SCLT1: variants seen among roughly 807,000 people sequenced by gnomAD.
The protein encoded by SCLT1 is sodium channel-associated protein 1.
A neutral mutation model predicts 112.8 loss-of-function variants in SCLT1; 78 were observed. The ratio of observed to expected loss-of-function variants is 0.69; its 90% confidence interval spans 0.58 to 0.83. SCLT1 has a LOEUF of 0.83. Ranked by LOEUF, SCLT1 falls within the 40% of genes least tolerant of loss-of-function variation. SCLT1 has a pLI of 0.00. For missense variants in SCLT1, 747 were observed against 770.4 expected, an observed-to-expected ratio of 0.97 and a Z score of 0.36; for synonymous variants, 257 against 254.7, an observed-to-expected ratio of 1.01 and a Z score of -0.09.
intron 2 of SCLT1, among the ~76,000 whole-genome samples, chr4:129,080,387 T>A (rs1751832082): frequency 6.6e-6 from 1 of 152,218 alleles, no homozygotes; most frequent in Non-Finnish European, 1.5e-5. Context: ...CCAGGCTACA[T>A]CTTGAGTGCT....
chr4:128,876,193 T>C (rs1732515841), intron 4 of SCLT1, among the ~76,000 whole-genome samples: 1 of 152,222 alleles, frequency 6.6e-6, no homozygotes, highest in African/African-American at 2.4e-5. Context: ...ATCTAATTTA[T>C]AATTTTTGTA....
chr4:128,930,939 TTCTTTGAAGC>T (rs1291619395), intron 18 of SCLT1, among the ~76,000 whole-genome samples: 1 of 152,182 alleles, frequency 6.6e-6, no homozygotes, highest in African/African-American at 2.4e-5. Context: ...AAGGGCTTGT[TTCTTTGAAGC>T]TTGTGAGTAC....
intron 2 of SCLT1, among the ~76,000 whole-genome samples, chr4:129,077,281 T>A (rs1005085005): frequency 6.6e-6 from 1 of 152,154 alleles, no homozygotes; most frequent in Non-Finnish European, 1.5e-5. Context: ...GAAATAAATA[T>A]CAAACTCCTG....
intron 1 of SCLT1, among the ~76,000 whole-genome samples, chr4:129,088,449 A>T (rs1752577876): frequency 6.6e-6 from 1 of 152,224 alleles, no homozygotes. Flanking sequence ...TCCCCATAAG[A>T]TCAGGAACAG....
At chr4:128,970,569 GT>G in intron 9 of SCLT1, 101 bp from the exon 10 acceptor site, 1 of 685,052 alleles carries the variant, frequency 1.5e-6, no homozygotes, top group Non-Finnish European at 2.5e-6. Context: ...TCTAACTCTT[GT>G]TTATCTAAAA....
intron 5 of SCLT1, among the ~76,000 whole-genome samples, chr4:129,018,570 C>A (rs280592): frequency 0.26 from 39,575 of 151,964 alleles, 6,310 homozygotes; most frequent in Non-Finnish European, 0.35. Flanking sequence ...AGTTCTCACT[C>A]TTCTTCAAAG....
chr4:129,064,727 A>G (rs1437260823), intron 2 of SCLT1, among the ~76,000 whole-genome samples: 1 of 152,160 alleles, frequency 6.6e-6, no homozygotes, highest in Non-Finnish European at 1.5e-5. Context: ...TTAATTTAGA[A>G]ATTTCCTTTG....
At chr4:128,980,891 A>T (rs1741589842) in intron 9 of SCLT1, among the ~76,000 whole-genome samples, 1 of 152,148 alleles carries the variant, frequency 6.6e-6, no homozygotes, top group Non-Finnish European at 1.5e-5. Context: ...TGACAGTTCA[A>T]GAAAATAATT....
At chr4:129,032,784 T>C (rs916208114) in intron 5 of SCLT1, among the ~76,000 whole-genome samples, 3 of 151,580 alleles carry the variant, frequency 2.0e-5, no homozygotes, top group African/African-American at 7.2e-5. Flanking sequence ...TACAATGAGA[T>C]ACCACCTCAC....
intron 9 of SCLT1, among the ~76,000 whole-genome samples, chr4:128,977,536 A>G (rs1447376518): frequency 3.3e-5 from 5 of 152,208 alleles, no homozygotes; most frequent in Non-Finnish European, 7.3e-5. Flanking sequence ...TGTTACAAAG[A>G]AGATGATACA....
At chr4:129,015,893 T>A (rs1338491142) in intron 5 of SCLT1, among the ~76,000 whole-genome samples, 1 of 152,180 alleles carries the variant, frequency 6.6e-6, no homozygotes, top group Non-Finnish European at 1.5e-5. Context: ...GTCATCTCCA[T>A]CCATCAGTGG....
At chr4:128,989,146 G>A (rs1232532920) in intron 9 of SCLT1, among the ~76,000 whole-genome samples, 1 of 151,746 alleles carries the variant, frequency 6.6e-6, no homozygotes, top group African/African-American at 2.4e-5. Flanking sequence ...AACATTTACA[G>A]AATATTTCAT....
At chr4:129,050,513 G>T (rs897584238) in intron 2 of SCLT1, among the ~76,000 whole-genome samples, 1 of 151,916 alleles carries the variant, frequency 6.6e-6, no homozygotes, top group Non-Finnish European at 1.5e-5. Flanking sequence ...CTTCATGTTT[G>T]TTGGCAGCAT....
At chr4:128,976,890 G>A (rs899928727) in intron 9 of SCLT1, among the ~76,000 whole-genome samples, 1 of 152,120 alleles carries the variant, frequency 6.6e-6, no homozygotes, top group Non-Finnish European at 1.5e-5. Context: ...GACTGTAAAG[G>A]CCATGGGGAC....
intron 5 of SCLT1, among the ~76,000 whole-genome samples, chr4:129,019,949 CCT>C (rs1745318430): frequency 1.3e-5 from 2 of 152,058 alleles, no homozygotes; most frequent in Non-Finnish European, 2.9e-5. Flanking sequence ...TGCACCCCTT[CCT>C]CTGTTTAAAA....
chr4:129,044,309 A>G (rs1298349761), intron 2 of SCLT1, among the ~76,000 whole-genome samples: 1 of 152,136 alleles, frequency 6.6e-6, no homozygotes, highest in Non-Finnish European at 1.5e-5. Context: ...TCTGCCAGAA[A>G]TCTACATCAA....
chr4:129,015,492 C>A (rs1247633409), intron 5 of SCLT1, among the ~76,000 whole-genome samples: 1 of 152,092 alleles, frequency 6.6e-6, no homozygotes, highest in African/African-American at 2.4e-5. Context: ...GCAAGTCCAC[C>A]CTGCAGAGTT....
In SCLT1 at chr4:128,996,110, T is replaced by G. The variant is rs541847532; in HGVS notation, c.615+1764A>C. Among the ~76,000 whole-genome samples, 20 of 152,180 alleles carry G rather than the reference T, an allele frequency of 1.3e-4. No individual in the cohort carries two copies. The South Asian group carries it at 4.1e-3, about 32-fold the overall frequency. ...GTGAAGCTGGGAGCTAAGGGGTCTT[T>G]TTTTGATCACATGGCACGGCACTGG... On this transcript the variant is annotated intron_variant, in intron 8 of 20. Transcript: ENST00000281142.
At chr4:129,066,526 C>T (rs968918697) in intron 2 of SCLT1, among the ~76,000 whole-genome samples, 1 of 151,814 alleles carries the variant, frequency 6.6e-6, no homozygotes, top group Non-Finnish European at 1.5e-5. Flanking sequence ...TAAGATAACG[C>T]CAATTTTAGG....
Sources: allele counts gnomAD v4.1 joint callset (sites outside exome capture counted in the v4.1 genomes callset), GRCh38; gene constraint gnomAD v4.1.1; transcripts MANE v1.5; gene names NCBI Gene and HGNC (gene_info 2026-07-23, HGNC 2026-07-21).